Variants in GRID2 observed in about 807,000 individuals in gnomAD.
GRID2 encodes the protein glutamate ionotropic receptor delta type subunit 2.
GRID2 carries 33 observed loss-of-function variants against 114.8 expected under a neutral mutation model. That is an observed-to-expected ratio of 0.29 (90% CI 0.22 to 0.38). The LOEUF (loss-of-function observed/expected upper bound fraction) is 0.38. Among genes scored for constraint, GRID2 ranks in the 10% least tolerant of loss-of-function variants. The pLI, the probability that GRID2 is intolerant of heterozygous loss-of-function variation, is 1.00. For missense variants in GRID2, 1,184 were observed against 1,257.7 expected (o/e 0.94, Z 0.89); for synonymous variants, 505 against 449.9 (o/e 1.12, Z -1.55).
At chr4:93,757,967 AAAAG>A (rs1251375904) in intron 14 of GRID2, among the ~76,000 whole-genome samples, 1 of 152,206 alleles carries the variant, frequency 6.6e-6, no homozygotes, top group Non-Finnish European at 1.5e-5. Context: ...AAAAAAAAGA[AAAAG>A]AAAGAAAAAG....
intron 1 of GRID2, among the ~76,000 whole-genome samples, chr4:92,392,791 T>G (rs1412194456): frequency 6.6e-6 from 1 of 152,178 alleles, no homozygotes; most frequent in Non-Finnish European, 1.5e-5. Flanking sequence ...TTGAACATAC[T>G]AATATTTTTC....
intron 2 of GRID2, among the ~76,000 whole-genome samples, chr4:92,909,560 C>T (rs1748213219): frequency 6.6e-6 from 1 of 152,080 alleles, no homozygotes; most frequent in Admixed American, 6.6e-5. Context: ...GAAATTTCCA[C>T]ATTCTAGGAA....
At chr4:92,723,020 A>T (rs967472183) in intron 2 of GRID2, among the ~76,000 whole-genome samples, 1 of 152,146 alleles carries the variant, frequency 6.6e-6, no homozygotes, top group African/African-American at 2.4e-5. Flanking sequence ...ACTTTCAGAA[A>T]TAAGTCAAAC....
chr4:93,656,612 C>T (rs534304141), intron 14 of GRID2, among the ~76,000 whole-genome samples: 44 of 151,702 alleles, frequency 2.9e-4, no homozygotes, highest in Non-Finnish European at 5.4e-4. Context: ...AGACGGATCA[C>T]GAGGTCAGCA....
At position 92,511,265 on chromosome 4, in the gene GRID2, GC is replaced by G. The variant is rs563648451; in HGVS notation, c.89-78863del. ...AAGAGAGAAGTGGAGGAGGTTCTAA[GC>G]CCACTTTAACAACTAGATCACACAT... is the stretch of plus-strand genomic sequence containing the variant. On this transcript the variant is annotated intron_variant, in intron 1 of 15. Transcript: ENST00000282020. Among the ~76,000 whole-genome samples the G allele has an allele frequency of 1.8e-4, 28 of 151,752 alleles. No homozygotes were observed. The South Asian group carries it at 1.9e-3, about 10-fold the overall frequency.
chr4:93,250,431 A>G (rs1748740774), intron 8 of GRID2, among the ~76,000 whole-genome samples: 1 of 151,944 alleles, frequency 6.6e-6, no homozygotes, highest in East Asian at 1.9e-4. Context: ...CCACCGTGGC[A>G]TGTGTATACC....
intron 1 of GRID2, among the ~76,000 whole-genome samples, chr4:92,461,293 G>A (rs1721484103): frequency 1.3e-5 from 2 of 151,938 alleles, no homozygotes; most frequent in East Asian, 3.9e-4. Flanking sequence ...TAAGCAAAAG[G>A]ACATACAGCA....
chr4:92,556,559 T>C (rs956328625), intron 1 of GRID2, among the ~76,000 whole-genome samples: 3 of 152,080 alleles, frequency 2.0e-5, no homozygotes, highest in African/African-American at 7.2e-5. Flanking sequence ...TATTAGCTCA[T>C]AGTTTTTGTG....
intron 4 of GRID2, among the ~76,000 whole-genome samples, chr4:93,161,093 T>C (rs1737650971): frequency 6.6e-6 from 1 of 151,852 alleles, no homozygotes; most frequent in Non-Finnish European, 1.5e-5. Context: ...ACAGTCATCA[T>C]TTTCTCAGTC....
intron 1 of GRID2, among the ~76,000 whole-genome samples, chr4:92,500,387 T>TAA (rs555063867): frequency 6.7e-6 from 1 of 149,246 alleles, no homozygotes; most frequent in South Asian, 2.1e-4. Context: ...TAAATTCTTT[T>TAA]AAAAAAAAAC....
chr4:92,741,455 A>C (rs763579037), intron 2 of GRID2, among the ~76,000 whole-genome samples: 1 of 152,102 alleles, frequency 6.6e-6, no homozygotes, highest in Non-Finnish European at 1.5e-5. Flanking sequence ...TTTTCACACT[A>C]TGAAATTCTT....
At chr4:92,939,556 G>C (rs1281246937) in intron 2 of GRID2, among the ~76,000 whole-genome samples, 4 of 147,308 alleles carry the variant, frequency 2.7e-5, no homozygotes, top group Non-Finnish European at 6.0e-5. Flanking sequence ...CTGTGCAGAA[G>C]CTCTTTAGTT....
intron 5 of GRID2, among the ~76,000 whole-genome samples, chr4:93,213,976 A>G (rs887185525): frequency 5.3e-5 from 8 of 152,138 alleles, no homozygotes; most frequent in East Asian, 1.9e-4. Context: ...TAAGTAAAAT[A>G]GAAAAGTTAA....
At chr4:92,718,290 A>T (rs1560551036) in intron 2 of GRID2, among the ~76,000 whole-genome samples, 1 of 152,090 alleles carries the variant, frequency 6.6e-6, no homozygotes, top group Admixed American at 6.6e-5. Context: ...ATATCCAAAA[A>T]TATTGGAAAA....
At chr4:93,025,458 T>C (rs1723793796) in intron 2 of GRID2, among the ~76,000 whole-genome samples, 1 of 151,772 alleles carries the variant, frequency 6.6e-6, no homozygotes, top group Non-Finnish European at 1.5e-5. Context: ...TAGGAATTTG[T>C]TTCATCTACT....
At chr4:92,324,203 C>T (rs1405992404) in intron 1 of GRID2, among the ~76,000 whole-genome samples, 3 of 151,920 alleles carry the variant, frequency 2.0e-5, no homozygotes, top group African/African-American at 7.2e-5. Flanking sequence ...GAATTTAGAA[C>T]CCAGCAGAGT....
At chr4:93,325,380 G>T (rs1369613026) in intron 8 of GRID2, among the ~76,000 whole-genome samples, 2 of 151,756 alleles carry the variant, frequency 1.3e-5, no homozygotes, top group African/African-American at 4.8e-5. Context: ...TTTTCATATT[G>T]GTTCTGACTC....
intron 14 of GRID2, among the ~76,000 whole-genome samples, chr4:93,645,449 C>A (rs1232376283): frequency 6.6e-6 from 1 of 152,056 alleles, no homozygotes; most frequent in Non-Finnish European, 1.5e-5. Flanking sequence ...TTGACTTGGG[C>A]AAACTCTCCA....
At chr4:92,825,712 C>T (rs1578246672) in intron 2 of GRID2, among the ~76,000 whole-genome samples, 1 of 152,086 alleles carries the variant, frequency 6.6e-6, no homozygotes, top group Admixed American at 6.6e-5. Flanking sequence ...CCAACAGAAA[C>T]CATGTTGTCA....
Sources: gnomAD v4.1 joint callset for allele counts (sites outside exome capture counted in the v4.1 genomes callset) on GRCh38, gnomAD v4.1.1 for gene constraint, MANE v1.5 for transcripts, NCBI Gene and HGNC (gene_info 2026-07-23, HGNC 2026-07-21) for gene names.